The following AMBN variants were observed in gnomAD, a reference collection of about 807,000 sequenced individuals.
AMBN encodes enamel matrix protein.
A neutral mutation model predicts 48.0 loss-of-function variants in AMBN; 54 were observed. The ratio of observed to expected loss-of-function variants is 1.12; its 90% CI spans 0.90 to 1.41. The LOEUF (loss-of-function observed/expected upper bound fraction) is 1.41, where lower values mean the gene tolerates loss of function less well. AMBN is among the 40% of genes most tolerant of loss of function. AMBN has a pLI of 0.00. For synonymous variants in AMBN, 186 were observed against 190.0 expected (o/e 0.98, Z 0.17); for missense variants, 571 against 547.3 (o/e 1.04, Z -0.43).
At chr4:70,601,863 G>T in intron 6 of AMBN, 1 of 673,586 alleles carries the variant, frequency 1.5e-6, no homozygotes, top group Non-Finnish European at 2.7e-6. Context: ...ACAGGGCATG[G>T]ATTCTAAAAG....
intron 5 of AMBN, among the ~76,000 whole-genome samples, chr4:70,600,472 T>C (rs1311177425): frequency 6.6e-6 from 1 of 152,140 alleles, no homozygotes; most frequent in Non-Finnish European, 1.5e-5. Flanking sequence ...CTCCAAGGAT[T>C]GTGAAATTTC....
In AMBN at chr4:70,603,003, G is replaced by T; in HGVS notation, c.641G>T (p.Gly214Val). The T allele has an allele frequency of 1.2e-6, 2 of 1,605,998 alleles. No individual in the cohort carries two copies. Among genetic ancestry groups the T allele is most frequent in the East Asian group, 2.2e-5 (1 of 44,722 alleles). The stretch of plus-strand genomic sequence containing the variant: ...GGATTGGATTTTGCTGATCCACAAG[G>T]TTCAACAGTAAGTACAGATCTCAAT... The part of the protein sequence containing the change: ...LPGLDFADPQ[G>V]STIFQIARLI... The change falls in exon 9 of 13, where the codon GGT (glycine) becomes GTT (valine). Residue 214 changes from glycine (G) to valine (V), a missense_variant. Coordinates refer to ENST00000322937, the MANE Select transcript of AMBN (RefSeq NM_016519.6).
At chr4:70,596,930 C>T in intron 2 of AMBN, 69 bp from the exon 3 acceptor site, 1 of 1,417,874 alleles carries the variant, frequency 7.1e-7, no homozygotes, top group African/African-American at 1.4e-5. Context: ...GAGCAATATC[C>T]TACGCCCAAT....
In AMBN at chr4:70,598,390, A is replaced by G. The variant is rs1406832446; in HGVS notation, c.170A>G (p.Asn57Ser). 1 of 1,590,024 alleles carries G rather than the reference A, an allele frequency of 6.3e-7. No individual in the cohort carries two copies. The highest frequency in any genetic ancestry group is 1.3e-5 in the African/African-American group (1 of 74,092). Residue 57 changes from asparagine (N) to serine (S), a missense_variant, in exon 4 of 13, where the codon AAC (asparagine) becomes AGC (serine). By Grantham distance (46) the Asn-to-Ser change is conservative. Coordinates refer to ENST00000322937, the MANE Select transcript of AMBN (RefSeq NM_016519.6). ...MRQLGSLQRLNTLSQYSRYGF... is the reference protein window; with the variant it reads ...MRQLGSLQRLSTLSQYSRYGF... ...CAGTTGGGAAGTCTGCAGAGATTAA[A>G]CACACTTTCTCAGGTAATCATATTT... is the stretch of plus-strand genomic sequence containing the variant.
chr4:70,599,635 G>A lies in AMBN; in HGVS notation c.283G>A (p.Glu95Lys), dbSNP rs1273233451. 16 of 1,609,150 alleles carry A rather than the reference G, an allele frequency of 9.9e-6. No individual in the cohort carries two copies. The highest frequency in any genetic ancestry group is 1.3e-5 in the Non-Finnish European group (15 of 1,176,484). ...TCCATGGATGAGGCCAAGAGAACAT[G>A]AAACTCAACAGGTGAGTGAATAGCA... Reference protein sequence around the residue: ...SLPWMRPREHETQQYEYSLPV... With the variant: ...SLPWMRPREHKTQQYEYSLPV... Residue 95 changes from glutamate (E) to lysine (K), a missense_variant, in exon 5 of 13, where the codon GAA becomes AAA. Physicochemically the swap from Glu to Lys is moderately conservative, Grantham distance 56 (BLOSUM62 1). Coordinates refer to ENST00000322937, the MANE Select transcript of AMBN (RefSeq NM_016519.6).
At chr4:70,593,515 T>C in intron 2 of AMBN, 120 bp downstream of exon 2, 1 of 854,398 alleles carries the variant, frequency 1.2e-6, no homozygotes, top group Non-Finnish European at 1.8e-6. Context: ...TCCAGTGGTT[T>C]AGTCCTATTG....
At position 70,598,362 on chromosome 4, in the gene AMBN, A is replaced by G; in HGVS notation, c.142A>G (p.Arg48Gly). The G allele has an allele frequency of 6.3e-7, 1 of 1,584,052 alleles. No individual in the cohort carries two copies. Among genetic ancestry groups the G allele is most frequent in the Non-Finnish European group, 8.6e-7 (1 of 1,165,116 alleles). Residue 48 changes from arginine to glycine, a missense_variant, in exon 4 of 13, where the codon AGA becomes GGA. By Grantham distance (125) the Arg-to-Gly change is moderately radical. Transcript: ENST00000322937. ...CACTTTTTTTTCTTGATAGACAATG[A>G]GACAGTTGGGAAGTCTGCAGAGATT... ...GMASLSLETM[R>G]QLGSLQRLNT...
chr4:70,606,109 T>C, intron 12 of AMBN, 76 bp from the exon 13 acceptor site: 1 of 1,504,078 alleles, frequency 6.6e-7, no homozygotes. Flanking sequence ...CCTTGGTGAA[T>C]GTGACCAGGT....
Position 70,603,269 on chromosome 4 carries a change from A to G in AMBN, c.658A>G (p.Ile220Val), listed in dbSNP as rs768760959. 106 of 1,613,384 alleles carry G rather than the reference A, an allele frequency of 6.6e-5. No individual in the cohort carries two copies. The highest frequency in any genetic ancestry group is 8.3e-5 in the Non-Finnish European group (98 of 1,179,686). The change falls in exon 10 of 13, where the codon ATA becomes GTA. Residue 220 changes from isoleucine to valine, a missense_variant. Physicochemically the swap from Ile to Val is conservative, Grantham distance 29. Coordinates refer to ENST00000322937, the MANE Select transcript of AMBN (RefSeq NM_016519.6). The part of the protein sequence containing the change: ...ADPQGSTIFQ[I>V]ARLISHGPMP... ...TTTCTACCATTTAAAGATTTTCCAAATAGCCCGTTTGATTTCTCACGGACC... is the reference window on the plus strand; with the variant it reads ...TTTCTACCATTTAAAGATTTTCCAAGTAGCCCGTTTGATTTCTCACGGACC...
chr4:70,598,376 T>A lies in AMBN; in HGVS notation c.156T>A (p.Ser52Arg). Residue 52 changes from serine to arginine, a missense_variant, in exon 4 of 13, where the codon AGT (serine) becomes AGA (arginine). Ser to Arg is a moderately radical substitution (Grantham distance 110). Coordinates refer to ENST00000322937, the MANE Select transcript of AMBN (RefSeq NM_016519.6). ...LSLETMRQLG[S>R]LQRLNTLSQY... ...GATAGACAATGAGACAGTTGGGAAG[T>A]CTGCAGAGATTAAACACACTTTCTC... The A allele has an allele frequency of 6.3e-7, 1 of 1,589,672 alleles. No homozygotes were observed. Among genetic ancestry groups the A allele is most frequent in the Non-Finnish European group, 8.6e-7 (1 of 1,167,918 alleles).
At chr4:70,600,727 A>T (rs554356883) in intron 5 of AMBN, among the ~76,000 whole-genome samples, 1 of 152,140 alleles carries the variant, frequency 6.6e-6, no homozygotes, top group East Asian at 1.9e-4. Context: ...TTAACGGGGA[A>T]TTTTTTCGTT....
chr4:70,596,493 G>T (rs1159656888), intron 2 of AMBN, among the ~76,000 whole-genome samples: 1 of 152,098 alleles, frequency 6.6e-6, no homozygotes, highest in Non-Finnish European at 1.5e-5. Flanking sequence ...TAGGGAATTT[G>T]CTGAAGCCCT....
rs1244634008 is a variant in AMBN, at chr4:70,599,611, C to G, written c.259C>G (p.Pro87Ala). Residue 87 changes from proline to alanine, a missense_variant, in exon 5 of 13, where the codon CCA becomes GCA. Transcript: ENST00000322937. ...TCTCCTCCCACCACATTCCTCTCTT[C>G]CATGGATGAGGCCAAGAGAACATGA... is the stretch of plus-strand genomic sequence containing the variant. The part of the protein sequence containing the change: ...HGLLPPHSSL[P>A]WMRPREHETQ... The G allele has an allele frequency of 1.2e-6, 2 of 1,613,344 alleles. No homozygotes were observed. The highest frequency in any genetic ancestry group is 2.7e-5 in the African/African-American group (2 of 74,876).
chr4:70,598,450 A>T (rs755404251), intron 4 of AMBN, 47 bp downstream of exon 4: 9 of 1,442,336 alleles, frequency 6.2e-6, no homozygotes, highest in Non-Finnish European at 7.6e-6. Flanking sequence ...GGTAGTGTTA[A>T]TATTAGCAGC....
chr4:70,603,770 G>A (rs1737580596), intron 11 of AMBN, 107 bp from the exon 12 acceptor site: 2 of 1,186,052 alleles, frequency 1.7e-6, no homozygotes, highest in East Asian at 4.9e-5. Flanking sequence ...TCTGTACACA[G>A]CATTAATATT....
intron 2 of AMBN, among the ~76,000 whole-genome samples, chr4:70,596,586 ATAG>A (rs1280127623): frequency 2.0e-5 from 3 of 152,214 alleles, no homozygotes; most frequent in African/African-American, 4.8e-5. Flanking sequence ...CCAAAATCAT[ATAG>A]ATTTGTCGAA....
intron 2 of AMBN, among the ~76,000 whole-genome samples, chr4:70,595,033 T>C (rs1291323973): frequency 6.6e-6 from 1 of 152,076 alleles, no homozygotes; most frequent in Non-Finnish European, 1.5e-5. Flanking sequence ...TGGCAAATAG[T>C]GGGGAAGAAG....
At position 70,606,278 on chromosome 4, in the gene AMBN, A is replaced by G. The variant is rs1393416848; in HGVS notation, c.892A>G (p.Met298Val). 6.2e-7 allele frequency: 1 copy of G among 1,614,010 alleles called. No individual in the cohort carries two copies. The highest frequency in any genetic ancestry group is 8.5e-7 in the Non-Finnish European group (1 of 1,180,004). ...TGAGGGAATGCCCCACAACCCAGCT[A>G]TGGGCGGTGACTTCACTCTGGAATT... ...GFEGMPHNPA[M>V]GGDFTLEFDS... Residue 298 changes from methionine to valine, a missense_variant, in exon 13 of 13, where the codon ATG becomes GTG. Met to Val is a conservative substitution (Grantham distance 21). Transcript: ENST00000322937.
In AMBN at chr4:70,599,664, A is replaced by C; in HGVS notation, c.294+18A>C. ...CTCAACAGGTGAGTGAATAGCATCA[A>C]TATGTTTGAAACCTCAGGCTTTAAA... On this transcript the variant is annotated intron_variant, in intron 5 of 12. Transcript: ENST00000322937. 6.4e-7 allele frequency: 1 copy of C among 1,562,930 alleles called. No individual in the cohort carries two copies. Among genetic ancestry groups the C allele is most frequent in the Non-Finnish European group, 8.8e-7 (1 of 1,140,228 alleles).
Sources: allele counts gnomAD v4.1 joint callset (sites outside exome capture counted in the v4.1 genomes callset), GRCh38; gene constraint gnomAD v4.1.1; transcripts MANE v1.5; gene names NCBI Gene and HGNC (gene_info 2026-07-23, HGNC 2026-07-21).